ANK3: variants seen among roughly 807,000 people sequenced by gnomAD.
ANK3 encodes the protein ankyrin-3.
ANK3 carries 57 observed loss-of-function variants against 370.9 expected under a neutral mutation model. The observed-to-expected ratio is 0.15, with a 90% CI of 0.12 to 0.19. ANK3 has a LOEUF of 0.19. ANK3 is among the 10% of genes least tolerant of loss of function. ANK3 has a pLI of 1.00. For synonymous variants in ANK3, 1,929 were observed against 1,946.3 expected (o/e 0.99, Z 0.23); for missense variants, 4,439 against 5,302.1 (o/e 0.84, Z 5.06).
At position 60,602,123 on chromosome 10, in the gene ANK3, G is replaced by A. The variant is rs75852164; in HGVS notation, c.96+13063C>T. ...CCATGTGTCAGGCATGACTCTAAGTGTTATATATGGATTAACTCATTTATT... is the reference window on the plus strand; with the variant it reads ...CCATGTGTCAGGCATGACTCTAAGTATTATATATGGATTAACTCATTTATT... On this transcript the variant is annotated intron_variant, in intron 2 of 43. Coordinates refer to the ANK3 transcript ENST00000373827. Among the ~76,000 whole-genome samples the A allele has an allele frequency of 7.2e-4, 109 of 152,176 alleles. No individual in the cohort carries two copies. In the East Asian group the frequency reaches 0.02, roughly 28 times the overall value.
intron 2 of ANK3, chr10:60,572,534 T>C (rs916173982): frequency 6.5e-7 from 1 of 1,535,594 alleles, no homozygotes. Context: ...TCATCTTTCC[T>C]TTAAATCAGG....
At chr10:60,666,276 G>C (rs1236392015) in intron 1 of ANK3, among the ~76,000 whole-genome samples, 2 of 152,148 alleles carry the variant, frequency 1.3e-5, no homozygotes, top group Non-Finnish European at 2.9e-5. Context: ...AAGACATTAT[G>C]TAAAGTGAAA....
chr10:60,337,497 T>C (rs2132965796), intron 1 of ANK3, among the ~76,000 whole-genome samples: 1 of 152,272 alleles, frequency 6.6e-6, no homozygotes, highest in East Asian at 1.9e-4. Flanking sequence ...CATTTTCTCT[T>C]ATCAGGCTCC....
chr10:60,229,281 G>A (rs998190040), intron 8 of ANK3, among the ~76,000 whole-genome samples: 1 of 152,070 alleles, frequency 6.6e-6, no homozygotes, highest in Non-Finnish European at 1.5e-5. Flanking sequence ...GAAACCCAGG[G>A]TCTTCTTCAC....
intron 23 of ANK3, among the ~76,000 whole-genome samples, chr10:60,160,744 A>C (rs1176889077): frequency 2.0e-5 from 3 of 152,226 alleles, no homozygotes; most frequent in Non-Finnish European, 4.4e-5. Flanking sequence ...AGGATGGTTC[A>C]ACATATGCAA....
rs953660217 is a variant in ANK3 at position 60,414,802 on chromosome 10, T to C, written c.97-135163A>G. 2.6e-5 allele frequency among the ~76,000 whole-genome samples: 4 copies of C among 152,348 alleles called. No individual in the cohort carries two copies. In the South Asian group the frequency reaches 6.2e-4, roughly 24 times the overall value. On this transcript the variant is annotated intron_variant, in intron 2 of 43. Coordinates refer to the ANK3 transcript ENST00000373827. ...ACCTTCACCTTTCAGAGTGAGCTAA[T>C]AGACACCTGAGCAGCATTTGCCAAA...
chr10:60,090,594 G>T (rs2088042194), intron 28 of ANK3, among the ~76,000 whole-genome samples: 2 of 152,118 alleles, frequency 1.3e-5, no homozygotes, highest in Non-Finnish European at 2.9e-5. Flanking sequence ...TAAGTCAATA[G>T]ATGATAGCAA....
chr10:60,393,095 C>T (rs2063146554), upstream of ANK3, among the ~76,000 whole-genome samples: 1 of 152,196 alleles, frequency 6.6e-6, no homozygotes, highest in South Asian at 2.1e-4. Context: ...ACAGAGAGAT[C>T]TTTCAAATTT....
intron 2 of ANK3, among the ~76,000 whole-genome samples, chr10:60,463,705 T>G (rs1305482722): frequency 1.4e-5 from 2 of 138,504 alleles, no homozygotes; most frequent in Non-Finnish European, 3.1e-5. Context: ...AACCAAATAA[T>G]TTTCCAGGAG....
At chr10:60,365,188 A>T (rs1330235767) in intron 1 of ANK3, among the ~76,000 whole-genome samples, 1 of 151,648 alleles carries the variant, frequency 6.6e-6, no homozygotes, top group Non-Finnish European at 1.5e-5. Flanking sequence ...CTTTATAAAG[A>T]TCTTTTAGCC....
intron 2 of ANK3, among the ~76,000 whole-genome samples, chr10:60,518,965 C>T (rs2076287272): frequency 6.6e-6 from 1 of 152,080 alleles, no homozygotes. Flanking sequence ...ATCCCAGTCT[C>T]CTTTCTACCT....
intron 23 of ANK3, among the ~76,000 whole-genome samples, chr10:60,158,360 A>ACT (rs2095407923): frequency 6.6e-6 from 1 of 152,168 alleles, no homozygotes; most frequent in South Asian, 2.1e-4. Context: ...TGTACAAACC[A>ACT]CTCATACCTT....
intron 18 of ANK3, among the ~76,000 whole-genome samples, chr10:60,174,045 C>T (rs1164872429): frequency 6.6e-6 from 1 of 152,112 alleles, no homozygotes; most frequent in Non-Finnish European, 1.5e-5. Context: ...AGAACATTGA[C>T]CTTTTATCAC....
At chr10:60,341,671 T>C (rs1438441767) in intron 1 of ANK3, among the ~76,000 whole-genome samples, 1 of 152,180 alleles carries the variant, frequency 6.6e-6, no homozygotes, top group Non-Finnish European at 1.5e-5. Flanking sequence ...TCGTGCCTGG[T>C]TCCTTTTTGT....
intron 1 of ANK3, among the ~76,000 whole-genome samples, chr10:60,285,900 G>A (rs910339571): frequency 1.3e-5 from 2 of 151,988 alleles, no homozygotes; most frequent in Non-Finnish European, 2.9e-5. Context: ...ATGCAATCTT[G>A]GTGTAACTCT....
Position 60,113,792 on chromosome 10 carries a change from A to G in ANK3, c.2948+433T>C, listed in dbSNP as rs180788157. Among the ~76,000 whole-genome samples the G allele has an allele frequency of 3.8e-3, 574 of 152,340 alleles. 12 individuals are homozygous for G. The highest frequency in any genetic ancestry group is 2.5e-3 in the East Asian group (13 of 5,188). ...GAAGCACAAAAGTCAGTTAAGGTAA[A>G]TTAACAGGCATACTTACATATTTAA... On this transcript the variant is annotated intron_variant, in intron 26 of 43. Coordinates refer to ENST00000280772, the MANE Select transcript of ANK3 (RefSeq NM_020987.5).
intron 2 of ANK3, among the ~76,000 whole-genome samples, chr10:60,596,696 C>T (rs1157926842): frequency 6.6e-6 from 1 of 152,068 alleles, no homozygotes; most frequent in African/African-American, 2.4e-5. Flanking sequence ...AAGTAAATTA[C>T]AAGAAGACTA....
chr10:60,600,268 T>G (rs1382539435), intron 2 of ANK3, among the ~76,000 whole-genome samples: 1 of 152,174 alleles, frequency 6.6e-6, no homozygotes, highest in Non-Finnish European at 1.5e-5. Flanking sequence ...TTGTTTAAAA[T>G]CTACTTGTGT....
chr10:60,401,987 A>T (rs999311740), intron 2 of ANK3, among the ~76,000 whole-genome samples: 3 of 152,282 alleles, frequency 2.0e-5, no homozygotes, highest in Non-Finnish European at 1.5e-5. Flanking sequence ...CTACTTATAT[A>T]TTCTCTGTCC....
Sources: gnomAD v4.1 joint callset for allele counts (sites outside exome capture counted in the v4.1 genomes callset) on GRCh38, gnomAD v4.1.1 for gene constraint, MANE v1.5 for transcripts, NCBI Gene and HGNC (gene_info 2026-07-23, HGNC 2026-07-21) for gene names.